COBLL1: variants seen among roughly 807,000 people sequenced by gnomAD.
The protein encoded by COBLL1 is cordon-bleu protein-like 1.
COBLL1 carries 50 observed loss-of-function variants against 94.8 expected under a neutral mutation model. That is an observed-to-expected ratio of 0.53 (90% CI 0.42 to 0.67). COBLL1 has a LOEUF of 0.67. Ranked by LOEUF, COBLL1 falls within the 30% of genes least tolerant of loss-of-function variation. The pLI is 0.00. For synonymous variants in COBLL1, 448 were observed against 473.8 expected, an observed-to-expected ratio of 0.95 and a Z score of 0.71; for missense variants, 1,362 against 1,348.7, an observed-to-expected ratio of 1.01 and a Z score of -0.15.
In COBLL1 at chr2:164,692,318, T is replaced by C. The variant is rs1015177157; in HGVS notation, c.3203A>G (p.Gln1068Arg). Reference sequence around the variant, plus strand: ...AGAGCTTTGGAATGTTAAAGAACTTTGTCTCATAACAGTGAATGATGGGCC... The same window carrying C: ...AGAGCTTTGGAATGTTAAAGAACTTCGTCTCATAACAGTGAATGATGGGCC... ...TDGPSFTVMRQSSLTFQSSDP... is the reference protein window; with the variant it reads ...TDGPSFTVMRRSSLTFQSSDP... Residue 1068 changes from glutamine (Q) to arginine (R), a missense_variant, in exon 13 of 14, where the codon CAA becomes CGA. Gln to Arg is a conservative substitution (Grantham distance 43). Transcript: ENST00000652658. 1.4e-5 allele frequency: 23 copies of C among 1,613,532 alleles called. No homozygotes were observed. The highest frequency in any genetic ancestry group is 1.9e-5 in the Non-Finnish European group (22 of 1,179,660).
intron 7 of COBLL1, among the ~76,000 whole-genome samples, chr2:164,715,062 A>T (rs758355456): frequency 6.6e-6 from 1 of 152,208 alleles, no homozygotes; most frequent in Non-Finnish European, 1.5e-5. Flanking sequence ...ATAAGGATTA[A>T]ATAAGTAATG....
intron 2 of COBLL1, among the ~76,000 whole-genome samples, chr2:164,824,388 A>G (rs12990899): frequency 7.2e-6 from 1 of 138,276 alleles, no homozygotes; most frequent in Non-Finnish European, 1.6e-5. Flanking sequence ...CCCAAAAAAG[A>G]AAAAAAAAAA....
intron 1 of COBLL1, among the ~76,000 whole-genome samples, chr2:164,669,841 G>GA (rs1691217804): frequency 6.6e-6 from 1 of 152,138 alleles, no homozygotes; most frequent in African/African-American, 2.4e-5. Context: ...CTGTTGTAAG[G>GA]ATTAAATAAG....
intron 2 of COBLL1, among the ~76,000 whole-genome samples, chr2:164,801,233 A>T (rs2105318628): frequency 6.6e-6 from 1 of 151,566 alleles, no homozygotes; most frequent in South Asian, 2.1e-4. Context: ...AGGTCAGGAG[A>T]TCGAGACCAT....
At chr2:164,698,395 T>C (rs1044490400) in intron 11 of COBLL1, 1 of 149,744 alleles carries the variant, frequency 6.7e-6, no homozygotes, top group African/African-American at 2.4e-5. Context: ...ATTATATATA[T>C]ATATAATTAT....
intron 2 of COBLL1, among the ~76,000 whole-genome samples, chr2:164,801,242 A>G (rs1433438038): frequency 6.6e-6 from 1 of 151,512 alleles, no homozygotes; most frequent in Non-Finnish European, 1.5e-5. Flanking sequence ...GATCGAGACC[A>G]TCCTGGCTAA....
intron 2 of COBLL1, among the ~76,000 whole-genome samples, chr2:164,825,514 T>C (rs1471770390): frequency 6.6e-6 from 1 of 152,188 alleles, no homozygotes; most frequent in African/African-American, 2.4e-5. Context: ...GTACAGTACA[T>C]GGAAATTATA....
At chr2:164,742,578 G>C (rs1686656815) in intron 3 of COBLL1, among the ~76,000 whole-genome samples, 1 of 151,788 alleles carries the variant, frequency 6.6e-6, no homozygotes, top group Admixed American at 6.6e-5. Flanking sequence ...TCATAAATAG[G>C]GTTCAATGTG....
intron 2 of COBLL1, among the ~76,000 whole-genome samples, chr2:164,777,947 C>A (rs903536731): frequency 1.3e-5 from 2 of 152,200 alleles, no homozygotes; most frequent in African/African-American, 2.4e-5. Flanking sequence ...ATTTGCCCTG[C>A]TAAACACAGC....
chr2:164,742,515 C>T (rs934820544), intron 3 of COBLL1, among the ~76,000 whole-genome samples: 1 of 152,032 alleles, frequency 6.6e-6, no homozygotes, highest in Admixed American at 6.6e-5. Context: ...CTCACACATA[C>T]GAGGCCATCC....
rs149487203 is a variant in COBLL1 at position 164,669,298 on chromosome 2, G to A, written n.127-3397C>T. Among the ~76,000 whole-genome samples the A allele has an allele frequency of 8.5e-5, 13 of 152,164 alleles. No homozygotes were observed. The East Asian group carries it at 2.5e-3, about 29-fold the overall frequency. On this transcript the variant is annotated intron_variant and non_coding_transcript_variant, in intron 1 of 2. Transcript: ENST00000495084. The stretch of plus-strand genomic sequence containing the variant: ...TAAGGACAAACATGAATGCTACCTG[G>A]TAATATAAAAAAACACATTCTGATT...
At chr2:164,792,151 CAG>C (rs1393105594) in intron 2 of COBLL1, among the ~76,000 whole-genome samples, 1 of 151,648 alleles carries the variant, frequency 6.6e-6, no homozygotes, top group Non-Finnish European at 1.5e-5. Context: ...CATTTTGAGA[CAG>C]AGTCTCACTC....
chr2:164,828,900 T>C (rs1183725497), intron 2 of COBLL1, among the ~76,000 whole-genome samples: 2 of 152,214 alleles, frequency 1.3e-5, no homozygotes, highest in African/African-American at 4.8e-5. Flanking sequence ...ATAGTTCCAT[T>C]GGACGGTGCT....
At position 164,837,755 on chromosome 2, in the gene COBLL1, G is replaced by A. The variant is rs12621052; in HGVS notation, c.41+3401C>T. ...AAAGTTGCATGCAATCTTTTTTCTCGAAGGAAAACCGAAACTGTTGTGACT... is the reference window on the plus strand; with the variant it reads ...AAAGTTGCATGCAATCTTTTTTCTCAAAGGAAAACCGAAACTGTTGTGACT... On this transcript the variant is annotated intron_variant, in intron 2 of 13. Transcript: ENST00000652658. 5.1e-4 allele frequency among the ~76,000 whole-genome samples: 77 copies of A among 151,938 alleles called. 2 individuals are homozygous for A. In the East Asian group the frequency reaches 0.014, roughly 27 times the overall value.
At chr2:164,767,664 T>G (rs1312264682) in intron 2 of COBLL1, among the ~76,000 whole-genome samples, 1 of 152,156 alleles carries the variant, frequency 6.6e-6, no homozygotes, top group Non-Finnish European at 1.5e-5. Flanking sequence ...TACATGTAAA[T>G]TCATTTATTT....
chr2:164,818,373 C>T (rs1406070576), intron 2 of COBLL1, among the ~76,000 whole-genome samples: 6 of 133,498 alleles, frequency 4.5e-5, no homozygotes, highest in East Asian at 2.0e-4. Flanking sequence ...TGTGTACATG[C>T]GTATGTGTGC....
chr2:164,687,161 G>A (rs1490303806), intron 13 of COBLL1: 2 of 372,550 alleles, frequency 5.4e-6, no homozygotes, highest in Non-Finnish European at 9.8e-6. Flanking sequence ...TAGTATGCCT[G>A]TGAGATTTCT....
At chr2:164,678,404 G>A (rs72876713), downstream of COBLL1, among the ~76,000 whole-genome samples, 25 of 152,212 alleles carry the variant, frequency 1.6e-4, no homozygotes, top group Non-Finnish European at 3.2e-4. Flanking sequence ...CATATAGGGA[G>A]CAAGAAGAAA....
intron 2 of COBLL1, among the ~76,000 whole-genome samples, chr2:164,788,040 A>G (rs1045729401): frequency 1.3e-5 from 2 of 152,182 alleles, no homozygotes; most frequent in African/African-American, 4.8e-5. Flanking sequence ...CTTTTTGCAC[A>G]GGTTAGCAGT....
Sources: gnomAD v4.1 joint callset for allele counts (sites outside exome capture counted in the v4.1 genomes callset) on GRCh38, gnomAD v4.1.1 for gene constraint, MANE v1.5 for transcripts, NCBI Gene and HGNC (gene_info 2026-07-23, HGNC 2026-07-21) for gene names.